The following SORCS2 variants were observed in gnomAD, a reference collection of about 807,000 sequenced individuals.
The protein encoded by SORCS2 is VPS10 domain-containing receptor SorCS2.
Under a neutral mutation model 141.6 loss-of-function variants are expected in SORCS2, and 100 were observed. The observed-to-expected ratio is 0.71, with a 90% CI of 0.60 to 0.83. The LOEUF (loss-of-function observed/expected upper bound fraction) is 0.83, where lower values mean the gene tolerates loss of function less well. Among genes scored for constraint, SORCS2 ranks in the 40% least tolerant of loss-of-function variants. SORCS2 has a pLI of 0.00. For synonymous variants in SORCS2, 789 were observed against 676.9 expected, an observed-to-expected ratio of 1.17 and a Z score of -2.57; for missense variants, 1,646 against 1,560.2, an observed-to-expected ratio of 1.05 and a Z score of -0.93.
chr4:7,536,096 C>T (rs965002228), intron 3 of SORCS2, among the ~76,000 whole-genome samples: 14 of 152,142 alleles, frequency 9.2e-5, no homozygotes, highest in Non-Finnish European at 1.5e-5. Flanking sequence ...GGGCTAGGGA[C>T]GCAGGTCAGG....
At chr4:7,521,397 G>A (rs537640911) in intron 2 of SORCS2, among the ~76,000 whole-genome samples, 5 of 152,232 alleles carry the variant, frequency 3.3e-5, no homozygotes, top group African/African-American at 7.2e-5. Context: ...CCTCGCTGGC[G>A]CCTGATGCCC....
chr4:7,371,810 C>T (rs1343518130), intron 1 of SORCS2, among the ~76,000 whole-genome samples: 3 of 152,182 alleles, frequency 2.0e-5, no homozygotes, highest in Non-Finnish European at 4.4e-5. Context: ...CACGCCCAGG[C>T]CTCTGACGGA....
chr4:7,694,516 A>T (rs1352858723), intron 11 of SORCS2, among the ~76,000 whole-genome samples: 2 of 152,024 alleles, frequency 1.3e-5, no homozygotes, highest in Non-Finnish European at 1.5e-5. Flanking sequence ...ACGTGTGCAC[A>T]TTTGAAATTA....
At chr4:7,549,095 G>C (rs558861458) in intron 3 of SORCS2, among the ~76,000 whole-genome samples, 6 of 152,146 alleles carry the variant, frequency 3.9e-5, no homozygotes, top group African/African-American at 1.2e-4. Flanking sequence ...GGGCAGGAGC[G>C]TGCCCCCAGC....
chr4:7,581,133 C>G (rs967981519), intron 3 of SORCS2, among the ~76,000 whole-genome samples: 2 of 148,554 alleles, frequency 1.3e-5, no homozygotes, highest in Non-Finnish European at 3.0e-5. Context: ...ATTCAAAAAC[C>G]TGCATATGTC....
intron 1 of SORCS2, among the ~76,000 whole-genome samples, chr4:7,389,065 C>A (rs1176785279): frequency 6.6e-6 from 1 of 152,230 alleles, no homozygotes; most frequent in African/African-American, 2.4e-5. Context: ...GCGGGTGGAT[C>A]ATTCCTGCCC....
intron 1 of SORCS2, among the ~76,000 whole-genome samples, chr4:7,321,430 GTTA>G (rs1718886828): frequency 6.6e-6 from 1 of 152,166 alleles, no homozygotes; most frequent in African/African-American, 2.4e-5. Flanking sequence ...GAAGTCTCAG[GTTA>G]TAAAACCAGT....
At chr4:7,724,772 G>A (rs1220848781) in intron 19 of SORCS2, among the ~76,000 whole-genome samples, 33 of 69,872 alleles carry the variant, frequency 4.7e-4, no homozygotes, top group East Asian at 1.2e-3. Context: ...GGTGATGATG[G>A]TGGTGATGGT....
chr4:7,392,868 G>A (rs1467842976), intron 1 of SORCS2, among the ~76,000 whole-genome samples: 1 of 148,488 alleles, frequency 6.7e-6, no homozygotes, highest in Non-Finnish European at 1.5e-5. Flanking sequence ...CAGCCGTAAT[G>A]TGAGAACAGT....
chr4:7,316,165 C>T (rs891957068), intron 1 of SORCS2, among the ~76,000 whole-genome samples: 1 of 151,794 alleles, frequency 6.6e-6, no homozygotes, highest in Non-Finnish European at 1.5e-5. Context: ...ATCCATCTAT[C>T]CCTCCTATTC....
At position 7,663,031 on chromosome 4, in the gene SORCS2, T is replaced by G. The variant is rs972045757; in HGVS notation, c.953-1322T>G. Among the ~76,000 whole-genome samples, 1 of 151,282 alleles carries G rather than the reference T, an allele frequency of 6.6e-6. No homozygotes were observed. The highest frequency in any genetic ancestry group is 1.5e-5 in the Non-Finnish European group (1 of 67,884). On this transcript the variant is annotated intron_variant, in intron 6 of 26. Coordinates refer to ENST00000507866, the MANE Select transcript of SORCS2 (RefSeq NM_020777.3). The surrounding 1 kb of genome is among the most constrained non-coding windows in gnomAD (Gnocchi z 4.8). ...ATGAGTGAGTGGGTGAATGAGTGAA[T>G]AGGTGTGTGAGTGAAGGAATGATTG...
chr4:7,571,150 A>C (rs1279302549), intron 3 of SORCS2, among the ~76,000 whole-genome samples: 1 of 152,260 alleles, frequency 6.6e-6, no homozygotes, highest in East Asian at 1.9e-4. Flanking sequence ...AGAAACAGAA[A>C]GAATGCAGTG....
Position 7,715,183 on chromosome 4 carries a change from C to G in SORCS2, c.2124C>G (p.Cys708Trp). 1 of 1,613,524 alleles carries G rather than the reference C, an allele frequency of 6.2e-7. No individual in the cohort carries two copies. Among genetic ancestry groups the G allele is most frequent in the Non-Finnish European group, 8.5e-7 (1 of 1,179,634 alleles). ...TACCACTACTCTTCCCTCCTCCCAG[C>G]GACTACGGATTTGAGCGCTCCTCCT... ...VCECRDSDFL[C>W]DYGFERSSSS... The change falls in exon 17 of 27, where the codon TGC becomes TGG. Residue 708 changes from cysteine to tryptophan, a missense_variant and splice_region_variant. Coordinates refer to ENST00000507866, the MANE Select transcript of SORCS2 (RefSeq NM_020777.3).
At chr4:7,256,760 G>A (rs1713908194) in intron 1 of SORCS2, among the ~76,000 whole-genome samples, 2 of 150,214 alleles carry the variant, frequency 1.3e-5, no homozygotes, top group Non-Finnish European at 3.0e-5. Flanking sequence ...TGGGGGTGTC[G>A]GGAAAGGGGG....
chr4:7,471,038 G>A (rs1180675071), intron 2 of SORCS2, among the ~76,000 whole-genome samples: 2 of 152,200 alleles, frequency 1.3e-5, no homozygotes, highest in Non-Finnish European at 2.9e-5. Flanking sequence ...AAATGAGGGG[G>A]CTGCCTGCGA....
intron 4 of SORCS2, among the ~76,000 whole-genome samples, chr4:7,641,669 A>G (rs191834516): frequency 1.1e-4 from 17 of 151,552 alleles, no homozygotes; most frequent in African/African-American, 4.1e-4. Flanking sequence ...GGCTGAAAAT[A>G]TTAGTTGGAT....
chr4:7,348,709 G>A (rs899535370), intron 1 of SORCS2, among the ~76,000 whole-genome samples: 3 of 152,168 alleles, frequency 2.0e-5, no homozygotes, highest in Non-Finnish European at 2.9e-5. Context: ...GCACCACCAT[G>A]TCTGGCTAAT....
intron 3 of SORCS2, among the ~76,000 whole-genome samples, chr4:7,543,531 C>G (rs1182171996): frequency 6.7e-6 from 1 of 148,898 alleles, no homozygotes; most frequent in Admixed American, 6.7e-5. Flanking sequence ...GTCCATCCAT[C>G]CACTTATCCA....
rs1194444601 is a variant in SORCS2, at chr4:7,492,439, G to A, written c.549-39091G>A. Among the ~76,000 whole-genome samples the A allele has an allele frequency of 5.3e-5, 8 of 152,342 alleles. No homozygotes were observed. The East Asian group carries it at 9.7e-4, about 18-fold the overall frequency. On this transcript the variant is annotated intron_variant, in intron 2 of 26. Transcript: ENST00000507866. ...CTTCGTAAAGGCTGACTAGGATTCC[G>A]CGGTGTGGATACACCAGGGTTCTTC... is the stretch of plus-strand genomic sequence containing the variant.
Sources: gnomAD v4.1 joint callset for allele counts (sites outside exome capture counted in the v4.1 genomes callset) on GRCh38, gnomAD v4.1.1 for gene constraint, Gnocchi (gnomAD v3.1) non-coding constraint, MANE v1.5 for transcripts, NCBI Gene and HGNC (gene_info 2026-07-23, HGNC 2026-07-21) for gene names.